Variants in OLFM2 observed in about 807,000 individuals in gnomAD.
The protein encoded by OLFM2 is noelin-2.
In OLFM2, 20 loss-of-function variants were observed where a neutral mutation model predicts 43.9. The ratio of observed to expected loss-of-function variants is 0.46; its 90% CI spans 0.32 to 0.66. The LOEUF is 0.66. OLFM2 is among the 30% of genes least tolerant of loss of function. OLFM2 has a pLI of 0.04. For missense variants in OLFM2, 416 were observed against 643.6 expected, an observed-to-expected ratio of 0.65 and a Z score of 3.83; for synonymous variants, 268 against 278.6, an observed-to-expected ratio of 0.96 and a Z score of 0.38.
intron 1 of OLFM2, among the ~76,000 whole-genome samples, chr19:9,932,812 T>G (rs2145014311): frequency 6.6e-6 from 1 of 152,092 alleles, no homozygotes; most frequent in South Asian, 2.1e-4. Flanking sequence ...ACAAGGAAAA[T>G]AGTGGGGCTC....
At position 9,913,288 on chromosome 19, in the gene OLFM2, C is replaced by T. The variant is rs1469041967; in HGVS notation, c.63+23016G>A. 1.3e-5 allele frequency among the ~76,000 whole-genome samples: 2 copies of T among 152,120 alleles called. 1 individual carries two copies. Among genetic ancestry groups the T allele is most frequent in the South Asian group, 4.1e-4 (2 of 4,824 alleles). ...ATGGCGCGGAGGTGGCTAGGGGTCC[C>T]GGGGCTCCTTCTGCCTCCACGTCCG... On this transcript the variant is annotated intron_variant, in intron 1 of 5. Coordinates refer to ENST00000264833, the MANE Select transcript of OLFM2 (RefSeq NM_058164.4).
chr19:9,891,271 C>A (rs1017874339), intron 1 of OLFM2, among the ~76,000 whole-genome samples: 1 of 148,598 alleles, frequency 6.7e-6, no homozygotes, highest in African/African-American at 2.5e-5. Context: ...CGAGATCGTG[C>A]CACTGCACTA....
At chr19:9,929,544 C>T (rs565988604) in intron 1 of OLFM2, among the ~76,000 whole-genome samples, 82 of 151,124 alleles carry the variant, frequency 5.4e-4, no homozygotes, top group African/African-American at 2.0e-3. Flanking sequence ...TGCAGTGAGC[C>T]GAGATTGCAC....
intron 1 of OLFM2, among the ~76,000 whole-genome samples, chr19:9,935,771 T>C (rs1599508654): frequency 1.5e-5 from 2 of 135,314 alleles, no homozygotes; most frequent in African/African-American, 2.8e-5. Context: ...ACACACAAAC[T>C]CCCCCCGGTC....
chr19:9,890,231 G>A (rs1599483285), intron 1 of OLFM2, among the ~76,000 whole-genome samples: 2 of 152,134 alleles, frequency 1.3e-5, no homozygotes, highest in South Asian at 2.1e-4. Flanking sequence ...CACCCACTCC[G>A]GGGGCAGAGA....
At chr19:9,855,375 G>A (rs554289254) in intron 5 of OLFM2, among the ~76,000 whole-genome samples, 8 of 151,752 alleles carry the variant, frequency 5.3e-5, no homozygotes, top group African/African-American at 1.9e-4. Context: ...TGAGTAGCTG[G>A]GATTACAGGC....
intron 1 of OLFM2, among the ~76,000 whole-genome samples, chr19:9,870,061 T>TA (rs202166884): frequency 2.6e-5 from 4 of 151,842 alleles, no homozygotes; most frequent in African/African-American, 7.3e-5. Flanking sequence ...CCTGGTTAAT[T>TA]AAAAAAAAAT....
At chr19:9,929,076 G>A (rs1439236076) in intron 1 of OLFM2, among the ~76,000 whole-genome samples, 4 of 152,066 alleles carry the variant, frequency 2.6e-5, no homozygotes, top group African/African-American at 7.2e-5. Flanking sequence ...GATAGAATGG[G>A]CTTCCACCTT....
At chr19:9,903,457 C>G (rs901510372) in intron 1 of OLFM2, among the ~76,000 whole-genome samples, 1 of 152,184 alleles carries the variant, frequency 6.6e-6, no homozygotes, top group African/African-American at 2.4e-5. Flanking sequence ...CAACTGTGCC[C>G]TTCCATGATT....
chr19:9,912,629 C>G (rs879874415), intron 1 of OLFM2, among the ~76,000 whole-genome samples: 1 of 151,740 alleles, frequency 6.6e-6, no homozygotes, highest in African/African-American at 2.4e-5. Context: ...GGGGAGAACC[C>G]CACTGAGTTC....
At chr19:9,861,613 A>G (rs2046365902) in intron 1 of OLFM2, among the ~76,000 whole-genome samples, 1 of 152,232 alleles carries the variant, frequency 6.6e-6, no homozygotes, top group Admixed American at 6.5e-5. Flanking sequence ...CAACACTGGT[A>G]ATCTTACCAG....
intron 1 of OLFM2, among the ~76,000 whole-genome samples, chr19:9,921,911 C>T (rs1017912780): frequency 4.0e-5 from 6 of 151,846 alleles, no homozygotes; most frequent in Admixed American, 6.6e-5. Context: ...CTGGGCAACA[C>T]GGTGAAACAC....
At chr19:9,870,426 C>T (rs762735079) in intron 1 of OLFM2, among the ~76,000 whole-genome samples, 2 of 152,148 alleles carry the variant, frequency 1.3e-5, no homozygotes, top group Non-Finnish European at 2.9e-5. Context: ...TTGCTCCATC[C>T]TAGTCCCCAC....
intron 1 of OLFM2, among the ~76,000 whole-genome samples, chr19:9,906,098 C>G (rs2046783971): frequency 6.6e-6 from 1 of 152,194 alleles, no homozygotes; most frequent in Non-Finnish European, 1.5e-5. Context: ...CACACACACA[C>G]CCAAGCATGC....
chr19:9,905,692 T>G, intron 1 of OLFM2, among the ~76,000 whole-genome samples: 1 of 151,698 alleles, frequency 6.6e-6, no homozygotes, highest in East Asian at 1.9e-4. Flanking sequence ...GCCGGAAAGA[T>G]TCAGATTGGC....
intron 1 of OLFM2, among the ~76,000 whole-genome samples, chr19:9,894,122 A>G (rs573191510): frequency 1.3e-5 from 2 of 151,924 alleles, no homozygotes; most frequent in East Asian, 3.9e-4. Flanking sequence ...GTGAAACCCC[A>G]TATCTACTAA....
intron 1 of OLFM2, among the ~76,000 whole-genome samples, chr19:9,923,558 A>G (rs984936590): frequency 3.7e-5 from 5 of 136,884 alleles, no homozygotes; most frequent in South Asian, 2.2e-4. Context: ...CTGTCTCAGG[A>G]AAAAAAAAAA....
Position 9,936,373 on chromosome 19 carries a change from C to T in OLFM2, c.-7G>A. ...GGACCGTGAGCGGCCACATGACGCG[C>T]CCCTAGCCCGGCGTCCCGACCCCCG... On this transcript the variant is annotated 5_prime_UTR_variant, in exon 1 of 6. Transcript: ENST00000264833. The T allele has an allele frequency of 6.9e-7, 1 of 1,452,616 alleles. No homozygotes were observed. Among genetic ancestry groups the T allele is most frequent in the South Asian group, 1.3e-5 (1 of 75,344 alleles). 90.0% of individuals were successfully genotyped at this position (1,452,616 alleles called of 1,614,324 possible). A position where few individuals can be genotyped will look rare whatever the true frequency, so the allele number is the denominator to read the frequency against.
intron 1 of OLFM2, among the ~76,000 whole-genome samples, chr19:9,878,963 C>G (rs565656932): frequency 6.6e-6 from 1 of 152,188 alleles, no homozygotes; most frequent in African/African-American, 2.4e-5. Context: ...CCTCCCACCT[C>G]GGCCTCCTGA....
Sources: allele counts gnomAD v4.1 joint callset (sites outside exome capture counted in the v4.1 genomes callset), GRCh38; gene constraint gnomAD v4.1.1; transcripts MANE v1.5; gene names NCBI Gene and HGNC (gene_info 2026-07-23, HGNC 2026-07-21).